The following METTL15 variants were observed in gnomAD, a reference collection of about 807,000 sequenced individuals.
The protein encoded by METTL15 is 12S rRNA N(4)-cytidine methyltransferase METTL15.
METTL15 carries 34 observed loss-of-function variants against 38.3 expected under a neutral mutation model. That is an observed-to-expected ratio of 0.89 (90% CI 0.68 to 1.18). METTL15 has a LOEUF of 1.18. METTL15 is among the 50% of genes most tolerant of loss of function. METTL15 has a pLI of 0.00. For synonymous variants in METTL15, 162 were observed against 170.9 expected, an observed-to-expected ratio of 0.95 and a Z score of 0.41; for missense variants, 438 against 498.4, an observed-to-expected ratio of 0.88 and a Z score of 1.15.
At position 28,144,949 on chromosome 11, in the gene METTL15, C is replaced by G. The variant is rs17244345; in HGVS notation, c.270+31345C>G. ...ACTTATGATTGCTCCAATATAAAAC[C>G]ACATTTACACCTCAGTGGCCACTGA... On this transcript the variant is annotated intron_variant, in intron 3 of 6. Coordinates refer to ENST00000407364, the MANE Select transcript of METTL15 (RefSeq NM_001113528.2). The G allele has an allele frequency of 7.5e-3, 1,527 of 203,344 alleles. 16 individuals are homozygous for G. Among genetic ancestry groups the G allele is most frequent in the Non-Finnish European group, 0.01 (956 of 94,072 alleles). 12.6% of individuals were successfully genotyped at this position (203,344 alleles called of 1,614,324 possible).
intron 4 of METTL15, among the ~76,000 whole-genome samples, chr11:28,237,519 G>A (rs145376355): frequency 0.015 from 2,351 of 152,086 alleles, 28 homozygotes; most frequent in Middle Eastern, 0.024. Context: ...TTTTTTCAAC[G>A]TTTTCAGCTC....
At chr11:28,296,659 T>G in intron 5 of METTL15, 94 bp from the exon 6 acceptor site, 1 of 1,289,968 alleles carries the variant, frequency 7.8e-7, no homozygotes, top group Non-Finnish European at 1.1e-6. Flanking sequence ...AGAGTATGTG[T>G]GTGTGTCTGA....
chr11:28,337,048 G>T (rs1849907212), downstream of METTL15, among the ~76,000 whole-genome samples: 2 of 152,058 alleles, frequency 1.3e-5, no homozygotes, highest in African/African-American at 4.8e-5. Context: ...GTGTGCATTT[G>T]TGGCTTAGTT....
intron 6 of METTL15, among the ~76,000 whole-genome samples, chr11:28,459,798 A>C (rs1475849537): frequency 6.6e-6 from 1 of 152,096 alleles, no homozygotes; most frequent in East Asian, 1.9e-4. Flanking sequence ...GTTGGAGATA[A>C]GTGTATGTTT....
chr11:28,324,916 C>G (rs904063907), intron 6 of METTL15, among the ~76,000 whole-genome samples: 1 of 152,182 alleles, frequency 6.6e-6, no homozygotes. Flanking sequence ...TACTAGCTCT[C>G]TACACTGTTC....
intron 5 of METTL15, among the ~76,000 whole-genome samples, chr11:28,296,164 T>G (rs1289430626): frequency 6.6e-6 from 1 of 152,178 alleles, no homozygotes; most frequent in Non-Finnish European, 1.5e-5. Context: ...TACAGAAGAA[T>G]GACCAAATAT....
intron 6 of METTL15, among the ~76,000 whole-genome samples, chr11:28,448,780 C>G (rs1050414777): frequency 6.6e-6 from 1 of 152,092 alleles, no homozygotes; most frequent in Non-Finnish European, 1.5e-5. Flanking sequence ...CCAGCCAGTT[C>G]CCCCACCCCA....
At position 28,427,349 on chromosome 11, in the gene METTL15, G is replaced by T. The variant is rs1429820307; in HGVS notation, c.*424+2985G>T. ...TTGATTACTGTAGCCTTGTAGTATA[G>T]TTTGAAATCAGGTAGTGTGATGCCT... is the stretch of plus-strand genomic sequence containing the variant. On this transcript the variant is annotated intron_variant and NMD_transcript_variant, in intron 6 of 7. Coordinates refer to the METTL15 transcript ENST00000532947. Among the ~76,000 whole-genome samples, 5 of 152,162 alleles carry T rather than the reference G, an allele frequency of 3.3e-5. No individual in the cohort carries two copies. The East Asian group carries it at 9.6e-4, about 29-fold the overall frequency.
intron 6 of METTL15, among the ~76,000 whole-genome samples, chr11:28,298,719 A>G (rs960519756): frequency 1.3e-5 from 2 of 152,086 alleles, no homozygotes; most frequent in Admixed American, 6.6e-5. Context: ...GGTAAATAAA[A>G]CCTCAATTTA....
chr11:28,119,678 G>T (rs1310381170), intron 3 of METTL15, among the ~76,000 whole-genome samples: 2 of 152,002 alleles, frequency 1.3e-5, no homozygotes, highest in East Asian at 3.8e-4. Context: ...TATAGTTATG[G>T]TACTAGCTTT....
At chr11:28,210,575 T>A (rs1248976632) in intron 3 of METTL15, among the ~76,000 whole-genome samples, 6 of 152,008 alleles carry the variant, frequency 3.9e-5, no homozygotes, top group Non-Finnish European at 8.8e-5. Context: ...ATCTGATTTG[T>A]CCTGTGCTTA....
At chr11:28,197,945 G>A (rs1851970557) in intron 3 of METTL15, among the ~76,000 whole-genome samples, 1 of 151,998 alleles carries the variant, frequency 6.6e-6, no homozygotes, top group Non-Finnish European at 1.5e-5. Flanking sequence ...TTTGAAAAGA[G>A]CATTTGCTGA....
intron 5 of METTL15, among the ~76,000 whole-genome samples, chr11:28,374,311 TC>T (rs1194759905): frequency 6.6e-6 from 1 of 152,182 alleles, no homozygotes; most frequent in Non-Finnish European, 1.5e-5. Flanking sequence ...GGAATGTTCT[TC>T]CATTTGTTTG....
chr11:28,260,075 T>C (rs1855138709), intron 4 of METTL15, among the ~76,000 whole-genome samples: 1 of 152,234 alleles, frequency 6.6e-6, no homozygotes, highest in Non-Finnish European at 1.5e-5. Context: ...AGTCTTCTAA[T>C]TTTTCTGTCT....
At chr11:28,313,298 C>T (rs1041552657) in intron 6 of METTL15, among the ~76,000 whole-genome samples, 5 of 151,860 alleles carry the variant, frequency 3.3e-5, no homozygotes, top group African/African-American at 1.2e-4. Context: ...TAAGAATTTA[C>T]CTTGTCTAAT....
At chr11:28,270,793 G>T (rs1855611697) in intron 4 of METTL15, among the ~76,000 whole-genome samples, 1 of 152,112 alleles carries the variant, frequency 6.6e-6, no homozygotes, top group Non-Finnish European at 1.5e-5. Context: ...GTCTGCAGGG[G>T]TAGTATGGCA....
At chr11:28,265,163 A>G (rs552367200) in intron 4 of METTL15, among the ~76,000 whole-genome samples, 73 of 152,172 alleles carry the variant, frequency 4.8e-4, no homozygotes, top group African/African-American at 1.6e-3. Flanking sequence ...AAAACAACAC[A>G]TAAACTTTTA....
At chr11:28,229,237 C>CT (rs1853594518) in intron 4 of METTL15, among the ~76,000 whole-genome samples, 1 of 151,876 alleles carries the variant, frequency 6.6e-6, no homozygotes, top group Non-Finnish European at 1.5e-5. Context: ...ATTTTGGAAA[C>CT]TTTCATTGGC....
Position 28,249,638 on chromosome 11 carries a change from T to C in METTL15, c.407+38440T>C, listed in dbSNP as rs74762192. Reference sequence around the variant, plus strand: ...GAGTTAATGCTTCTCAGTATGTATATCGTGTTATATAATTTAGTTCTGTCA... The same window carrying C: ...GAGTTAATGCTTCTCAGTATGTATACCGTGTTATATAATTTAGTTCTGTCA... On this transcript the variant is annotated intron_variant, in intron 4 of 6. Coordinates refer to ENST00000407364, the MANE Select transcript of METTL15 (RefSeq NM_001113528.2). Among the ~76,000 whole-genome samples the C allele has an allele frequency of 3.7e-4, 56 of 152,124 alleles. No individual in the cohort carries two copies. In the East Asian group the frequency reaches 0.01, roughly 28 times the overall value.
Sources: allele counts gnomAD v4.1 joint callset (sites outside exome capture counted in the v4.1 genomes callset), GRCh38; gene constraint gnomAD v4.1.1; transcripts MANE v1.5; gene names NCBI Gene and HGNC (gene_info 2026-07-23, HGNC 2026-07-21).